GTPBP4: variants seen among roughly 807,000 people sequenced by gnomAD.
GTPBP4 encodes GTP binding protein 4.
A neutral mutation model predicts 81.7 loss-of-function variants in GTPBP4; 15 were observed. The ratio of observed to expected loss-of-function variants is 0.18; its 90% CI spans 0.12 to 0.28. GTPBP4 has a LOEUF of 0.28. GTPBP4 is among the 10% of genes least tolerant of loss of function. The probability of loss-of-function intolerance (pLI) is 1.00; values close to 1 mark genes in which losing one functional copy is unlikely to be tolerated. For synonymous variants in GTPBP4, 272 were observed against 274.6 expected (o/e 0.99, Z 0.09); for missense variants, 847 against 793.8 (o/e 1.07, Z -0.81).
At chr10:1,016,996 G>T in intron 16 of GTPBP4, 79 bp from the exon 17 acceptor site, 1 of 1,173,440 alleles carries the variant, frequency 8.5e-7, no homozygotes, top group Non-Finnish European at 1.2e-6. Flanking sequence ...TAAACAGATT[G>T]TTACCCAGTA....
At chr10:1,000,484 G>T (rs540057095) in intron 6 of GTPBP4, among the ~76,000 whole-genome samples, 193 bp from the exon 7 acceptor site, 1 of 151,116 alleles carries the variant, frequency 6.6e-6, no homozygotes, top group African/African-American at 2.4e-5. Context: ...TGATCCACCC[G>T]CCTCGGCCTC....
intron 10 of GTPBP4, chr10:1,007,841 A>C (rs1380221201): frequency 2.0e-6 from 1 of 506,090 alleles, no homozygotes; most frequent in African/African-American, 2.0e-5. Flanking sequence ...TGTTTATGTA[A>C]TGCTGGGTGC....
At chr10:1,005,765 A>G in intron 8 of GTPBP4, 53 bp from the exon 9 acceptor site, 1 of 1,004,214 alleles carries the variant, frequency 1.0e-6, no homozygotes, top group Admixed American at 1.7e-5. Context: ...AGTTTGTTCC[A>G]TAGGGAACTG....
intron 4 of GTPBP4, chr10:996,928 C>T: frequency 2.5e-6 from 1 of 404,694 alleles, no homozygotes; most frequent in Non-Finnish European, 4.4e-6. Context: ...CACTGCCAGA[C>T]ATGCTGTTGG....
chr10:992,632 A>C lies in GTPBP4; in HGVS notation c.192A>C (p.Gln64His). The change falls in exon 2 of 17, where the codon CAA becomes CAC. Residue 64 changes from glutamine to histidine, a missense_variant. Physicochemically the swap from Gln to His is conservative, Grantham distance 24. This residue lies in a region of GTPBP4 where 241 missense variants were observed against 216.3 expected (regional missense o/e 1.11). Coordinates refer to ENST00000360803, the MANE Select transcript of GTPBP4 (RefSeq NM_012341.3). ...TQQNYHDRLS[Q>H]ILTDFPKLDD... ...AGAATTACCATGATAGACTTTCACA[A>C]ATTCTAACAGATTTCCCCAAATTGG... is the stretch of plus-strand genomic sequence containing the variant. 6.2e-7 allele frequency: 1 copy of C among 1,607,884 alleles called. No individual in the cohort carries two copies. The highest frequency in any genetic ancestry group is 8.5e-7 in the Non-Finnish European group (1 of 1,175,882).
At chr10:998,081 A>T (rs187978180) in intron 5 of GTPBP4, among the ~76,000 whole-genome samples, 15 of 152,090 alleles carry the variant, frequency 9.9e-5, no homozygotes, top group South Asian at 6.2e-4. Flanking sequence ...AATTAAAAAA[A>T]TTTTTTTCTT....
rs575670673 is a variant in GTPBP4 at position 1,004,209 on chromosome 10, C to T, written c.913-1609C>T. Among the ~76,000 whole-genome samples the T allele has an allele frequency of 1.2e-4, 19 of 152,210 alleles. No homozygotes were observed. The East Asian group carries it at 3.3e-3, about 26-fold the overall frequency. On this transcript the variant is annotated intron_variant, in intron 8 of 16. Transcript: ENST00000360803. ...CTGGGATGGTGGGGCCCAGCAGTAT[C>T]CCAGACTCTCTGATGCTAGGTGAGG...
Position 1,019,436 on chromosome 10 carries a change from G to A in GTPBP4, c.*2209G>A. On this transcript the variant is annotated 3_prime_UTR_variant, in exon 17 of 17. Coordinates refer to ENST00000360803, the MANE Select transcript of GTPBP4 (RefSeq NM_012341.3). ...AAGTGCCCCTTTTGCCCTGTTTTTT[G>A]GAGAGGGTGTATCATTGCCTCAATG... 1 of 1,137,020 alleles carries A rather than the reference G, an allele frequency of 8.8e-7. No homozygotes were observed. The highest frequency in any genetic ancestry group is 1.6e-5 in the South Asian group (1 of 62,578). 70.4% of individuals were successfully genotyped at this position (1,137,020 alleles called of 1,614,324 possible). A position where few individuals can be genotyped will look rare whatever the true frequency, so the allele number is the denominator to read the frequency against.
intron 8 of GTPBP4, among the ~76,000 whole-genome samples, chr10:1,005,376 A>G (rs527612002): frequency 7.9e-5 from 12 of 152,052 alleles, no homozygotes; most frequent in African/African-American, 2.9e-4. Flanking sequence ...TGACCTCCTG[A>G]CCTCATGATC....
intron 13 of GTPBP4, among the ~76,000 whole-genome samples, chr10:1,012,097 G>T (rs1270644385): frequency 6.6e-6 from 1 of 152,224 alleles, no homozygotes; most frequent in African/African-American, 2.4e-5. Context: ...GAACGGACAC[G>T]TGGGATGTGG....
In GTPBP4 at chr10:988,526, A is replaced by T. The variant is rs201885506; in HGVS notation, c.47A>T (p.Lys16Met). ...AAAATTACGGTGGTGCCGTCCGCCA[A>T]GGTAGGCGGCCCCGGGAGGGCCACT... ...FKKITVVPSA[K>M]DFIDLTLSKT... The change falls in exon 1 of 17, where the codon AAG becomes ATG. Residue 16 changes from lysine to methionine, a missense_variant and splice_region_variant. Around this residue, in one of 3 missense-constraint regions of GTPBP4, gnomAD observed 241 missense variants for 216.3 expected, o/e 1.11. Transcript: ENST00000360803. 1 of 1,611,682 alleles carries T rather than the reference A, an allele frequency of 6.2e-7. No homozygotes were observed. The highest frequency in any genetic ancestry group is 1.3e-5 in the African/African-American group (1 of 74,978).
intron 16 of GTPBP4, 42 bp downstream of exon 16, chr10:1,015,938 T>C: frequency 1.3e-6 from 2 of 1,532,888 alleles, no homozygotes; most frequent in Non-Finnish European, 1.8e-6. Context: ...TGACAGTCTC[T>C]GTTGTTTATT....
intron 5 of GTPBP4, among the ~76,000 whole-genome samples, chr10:997,698 G>A (rs1003110337): frequency 1.1e-4 from 16 of 152,220 alleles, no homozygotes; most frequent in South Asian, 2.1e-4. Context: ...TTGTTGGCCT[G>A]TCCTGGAGTG....
intron 2 of GTPBP4, among the ~76,000 whole-genome samples, chr10:994,848 C>G (rs553684189): frequency 6.6e-6 from 1 of 152,330 alleles, no homozygotes; most frequent in South Asian, 2.1e-4. Context: ...CTGTCAGGTA[C>G]TGTTCTGAGT....
chr10:997,084 C>G, intron 4 of GTPBP4, 124 bp from the exon 5 acceptor site: 1 of 697,172 alleles, frequency 1.4e-6, no homozygotes, highest in South Asian at 1.7e-5. Flanking sequence ...ATCACTTTTG[C>G]ATTACAAAAG....
chr10:992,745 C>A, intron 2 of GTPBP4, 86 bp downstream of exon 2: 2 of 734,868 alleles, frequency 2.7e-6, no homozygotes, highest in Admixed American at 3.1e-5. Context: ...ACTCATTTGA[C>A]AGAAAAGGAA....
At chr10:1,006,045 C>T (rs1055518199) in intron 9 of GTPBP4, 138 bp downstream of exon 9, 17 of 575,078 alleles carry the variant, frequency 3.0e-5, no homozygotes, top group Admixed American at 9.9e-5. Flanking sequence ...GGGTGGCGTG[C>T]GAGAGTGGGG....
At chr10:1,013,749 G>A in intron 14 of GTPBP4, among the ~76,000 whole-genome samples, 1 of 152,254 alleles carries the variant, frequency 6.6e-6, no homozygotes, top group Non-Finnish European at 1.5e-5. Flanking sequence ...CAGTTAACAT[G>A]TAACCAGAGA....
At chr10:992,219 T>C (rs1831456974) in intron 1 of GTPBP4, among the ~76,000 whole-genome samples, 1 of 150,868 alleles carries the variant, frequency 6.6e-6, no homozygotes, top group Non-Finnish European at 1.5e-5. Context: ...GCTAACATGG[T>C]GAAACCCCAT....
Sources: gnomAD v4.1 joint callset for allele counts (sites outside exome capture counted in the v4.1 genomes callset) on GRCh38, gnomAD v4.1.1 for gene constraint, gnomAD v4.1.1 regional missense constraint, MANE v1.5 for transcripts, NCBI Gene and HGNC (gene_info 2026-07-23, HGNC 2026-07-21) for gene names.